IGSF22: variants seen among roughly 807,000 people sequenced by gnomAD.
The protein encoded by IGSF22 is immunoglobulin superfamily member 22.
In IGSF22, 119 loss-of-function variants were observed where a neutral mutation model predicts 127.0. The ratio of observed to expected loss-of-function variants is 0.94; its 90% CI spans 0.81 to 1.09. The LOEUF (loss-of-function observed/expected upper bound fraction) is 1.09, where lower values mean the gene tolerates loss of function less well. IGSF22 is among the 50% of genes least tolerant of loss of function. IGSF22 has a pLI of 0.00. For synonymous variants in IGSF22, 568 were observed against 664.7 expected, an observed-to-expected ratio of 0.85 and a Z score of 2.24; for missense variants, 1,518 against 1,716.6, an observed-to-expected ratio of 0.88 and a Z score of 2.04.
chr11:18,706,039 AGTCCTG>A lies in IGSF22; in HGVS notation c.3682_3687del (p.Gln1228_Asp1229del). 1 of 1,551,528 alleles carries A rather than the reference AGTCCTG, an allele frequency of 6.4e-7. No homozygotes were observed. The highest frequency in any genetic ancestry group is 8.7e-7 in the Non-Finnish European group (1 of 1,146,952). ...CCAAGGAAGGCGCAGGTCATGGTGCAGTCCTGGCCGCGGAGCACCGTGTGTGGCTTG... is the reference window on the plus strand; with the variant it reads ...CCAAGGAAGGCGCAGGTCATGGTGCAGCCGCGGAGCACCGTGTGTGGCTTG... On this transcript the variant is annotated inframe_deletion, in exon 22 of 23. Coordinates refer to ENST00000513874, the MANE Select transcript of IGSF22 (RefSeq NM_173588.4).
chr11:18,720,265 A>G lies in IGSF22; in HGVS notation c.399T>C (p.Asp133=). ...CAATGCACTTATAGTTGTCAGAGTC[A>G]TCCGAAGTCAGTGGCTCCAGCTGGA... ...HVLKLEPLTS[D]DSDNYKCIAS... is the part of the protein sequence containing the mutation. Residue 133 remains aspartate, a synonymous_variant, in exon 5 of 23, where the codon GAT becomes GAC. Transcript: ENST00000513874. 1 of 1,614,128 alleles carries G rather than the reference A, an allele frequency of 6.2e-7. No homozygotes were observed. The highest frequency in any genetic ancestry group is 2.2e-5 in the East Asian group (1 of 44,874).
rs770798890 is a variant in IGSF22, at chr11:18,715,726, G to A, written c.1247-10C>T. The A allele has an allele frequency of 8.7e-6, 14 of 1,601,774 alleles. No homozygotes were observed. The highest frequency in any genetic ancestry group is 7.7e-5 in the South Asian group (7 of 90,686). The stretch of plus-strand genomic sequence containing the variant: ...AACTTGATGGGGATGCCTGTGGACA[G>A]ACAGACACTTGGGCCTGCTCCCAAA... On this transcript the variant is annotated splice_polypyrimidine_tract_variant and intron_variant, in intron 10 of 22. Coordinates refer to ENST00000513874, the MANE Select transcript of IGSF22 (RefSeq NM_173588.4).
intron 14 of IGSF22, 142 bp from the exon 15 acceptor site, chr11:18,712,526 C>A (rs1848377028): frequency 1.4e-6 from 1 of 721,376 alleles, no homozygotes; most frequent in East Asian, 2.7e-5. Context: ...CTGTGTCCAC[C>A]ATCCCTCCTT....
chr11:18,705,521 T>C, intron 22 of IGSF22: 1 of 442,160 alleles, frequency 2.3e-6, no homozygotes, highest in Non-Finnish European at 4.1e-6. Context: ...GTGAGTCTGG[T>C]TGAGTCCTGA....
intron 9 of IGSF22, 144 bp downstream of exon 9, chr11:18,717,787 T>A: frequency 1.2e-6 from 1 of 824,074 alleles, no homozygotes; most frequent in South Asian, 1.8e-5. Flanking sequence ...GCTTCCTCCC[T>A]CCATTGACTC....
Position 18,709,273 on chromosome 11 carries a change from T to C in IGSF22, c.2998+114A>G. 1 of 1,132,360 alleles carries C rather than the reference T, an allele frequency of 8.8e-7. No individual in the cohort carries two copies. The highest frequency in any genetic ancestry group is 1.3e-6 in the Non-Finnish European group (1 of 798,478). The allele number at this position is 1,132,360 out of a possible 1,614,324, so 70.1% of individuals were successfully genotyped here. A position where few individuals can be genotyped will look rare whatever the true frequency, so the allele number is the denominator to read the frequency against. ...TTTGTCCAGGCACAACAACTATGGA[T>C]GACTTTTTCATGATCCTAGCATCAT... On this transcript the variant is annotated intron_variant, in intron 18 of 22. Transcript: ENST00000513874. This position sits in a 1 kb window ranked among gnomAD's most constrained non-coding sequence, Gnocchi z 4.8.
At chr11:18,711,533 G>T (rs1024527280) in intron 15 of IGSF22, among the ~76,000 whole-genome samples, 5 of 152,128 alleles carry the variant, frequency 3.3e-5, no homozygotes, top group Admixed American at 2.0e-4. Flanking sequence ...GAGTAGCCAG[G>T]ATGACAGGAG....
At chr11:18,718,249 G>A (rs1848498901) in intron 8 of IGSF22, among the ~76,000 whole-genome samples, 156 bp from the exon 9 acceptor site, 1 of 152,152 alleles carries the variant, frequency 6.6e-6, no homozygotes, top group Non-Finnish European at 1.5e-5. Context: ...CATCTGGTTT[G>A]GTGGGATCCA....
chr11:18,707,685 A>C (rs1244090630), intron 20 of IGSF22, 119 bp downstream of exon 20: 1 of 795,520 alleles, frequency 1.3e-6, no homozygotes, highest in Non-Finnish European at 2.0e-6. Context: ...GGTGTCAAAG[A>C]AATCTTCATG....
At chr11:18,705,683 A>G (rs1590432161) in intron 22 of IGSF22, 134 bp downstream of exon 22, 1 of 746,566 alleles carries the variant, frequency 1.3e-6, no homozygotes, top group East Asian at 2.7e-5. Context: ...ACTGTGGCCA[A>G]TTAAGAATGT....
Position 18,724,165 on chromosome 11 carries a change from G to T in IGSF22, c.72C>A (p.His24Gln), listed in dbSNP as rs201278471. The T allele has an allele frequency of 1.1e-4, 182 of 1,613,872 alleles. No individual in the cohort carries two copies. Among genetic ancestry groups the T allele is most frequent in the Non-Finnish European group, 1.4e-4 (170 of 1,179,884 alleles). Reference protein sequence around the residue: ...VSMEFSSSTTHVQTFSQTTKI... With the variant: ...VSMEFSSSTTQVQTFSQTTKI... ...TGGTTGTCTGGGAGAAGGTCTGCAC[G>T]TGGGTGGTGGAGCTGGAGAACTCCA... is the stretch of plus-strand genomic sequence containing the variant. Residue 24 changes from histidine to glutamine, a missense_variant, in exon 2 of 23, where the codon CAC (histidine) becomes CAA (glutamine). Transcript: ENST00000513874.
At chr11:18,715,382 T>A (rs748620399) in intron 11 of IGSF22, 50 bp downstream of exon 11, 7 of 1,560,462 alleles carry the variant, frequency 4.5e-6, no homozygotes, top group Admixed American at 1.7e-5. Flanking sequence ...TGTAAGGGAA[T>A]GCCAGGGTCA....
intron 21 of IGSF22, 187 bp downstream of exon 21, chr11:18,706,727 A>T: frequency 1.9e-6 from 1 of 535,680 alleles, no homozygotes. Context: ...CCTCCACTTT[A>T]GTCTCACCCC....
intron 19 of IGSF22, 86 bp from the exon 20 acceptor site, chr11:18,708,082 C>A: frequency 1.3e-6 from 2 of 1,556,768 alleles, no homozygotes; most frequent in Non-Finnish European, 1.8e-6. Flanking sequence ...AGTTTCCTGC[C>A]AGGCTGTCGC....
chr11:18,710,218 T>C, intron 17 of IGSF22, 109 bp downstream of exon 17: 5 of 1,409,640 alleles, frequency 3.5e-6, no homozygotes, highest in South Asian at 1.3e-5. Context: ...GTTTCCAGAG[T>C]GTAGAGACTG....
Position 18,707,009 on chromosome 11 carries a change from C to T in IGSF22, c.3485G>A (p.Gly1162Asp). Residue 1162 changes from glycine (G) to aspartate (D), a missense_variant, in exon 21 of 23, where the codon GGC becomes GAC. Gly to Asp is a moderately conservative substitution (Grantham distance 94). Coordinates refer to ENST00000513874, the MANE Select transcript of IGSF22 (RefSeq NM_173588.4). ...CACCACTCTGAAGTAGTACTTCCTG[C>T]CTGGGAGCAGCCCCGTCACTGTGTA... ...NKYTVTGLLPGRKYYFRVVAR... is the reference protein window; with the variant it reads ...NKYTVTGLLPDRKYYFRVVAR... 6.4e-7 allele frequency: 1 copy of T among 1,551,410 alleles called. No homozygotes were observed. Among genetic ancestry groups the T allele is most frequent in the East Asian group, 2.4e-5 (1 of 40,922 alleles).
intron 15 of IGSF22, 100 bp from the exon 16 acceptor site, chr11:18,710,928 A>T (rs984092691): frequency 1.0e-6 from 1 of 998,830 alleles, no homozygotes; most frequent in Admixed American, 2.5e-5. Flanking sequence ...ATAAACTCAA[A>T]CCAGTGATTC....
In IGSF22 at chr11:18,715,520, C is replaced by T. The variant is rs371371712; in HGVS notation, c.1443G>A (p.Gln481=). ...KRAELIIEDA[Q]LSDGGEYTVV... ...CAGTGTACTCGCCACCATCACTGAG[C>T]TGTGCATCCTCAATGATCAGCTCTG... The change falls in exon 11 of 23, where the codon CAG becomes CAA. Residue 481 remains glutamine, a synonymous_variant. Transcript: ENST00000513874. 2.5e-5 allele frequency: 41 copies of T among 1,613,970 alleles called. No individual in the cohort carries two copies. The African/African-American group carries it at 4.0e-4, about 16-fold the overall frequency.
intron 21 of IGSF22, 119 bp downstream of exon 21, chr11:18,706,795 C>T (rs2134156278): frequency 2.6e-6 from 2 of 771,858 alleles, no homozygotes. Context: ...AGATATTAAC[C>T]GTTCTATCTC....
Sources: gnomAD v4.1 joint callset for allele counts (sites outside exome capture counted in the v4.1 genomes callset) on GRCh38, gnomAD v4.1.1 for gene constraint, Gnocchi (gnomAD v3.1) non-coding constraint, MANE v1.5 for transcripts, NCBI Gene and HGNC (gene_info 2026-07-23, HGNC 2026-07-21) for gene names.